Variants in PTPN12 observed in about 807,000 individuals in gnomAD.
The protein encoded by PTPN12 is tyrosine-protein phosphatase non-receptor type 12.
PTPN12 carries 29 observed loss-of-function variants against 97.6 expected under a neutral mutation model. The ratio of observed to expected loss-of-function variants is 0.30; its 90% CI spans 0.22 to 0.41. The LOEUF is 0.41. Among genes scored for constraint, PTPN12 ranks in the 10% least tolerant of loss-of-function variants. PTPN12 has a pLI of 1.00. For missense variants in PTPN12, 819 were observed against 926.0 expected (o/e 0.88, Z 1.50); for synonymous variants, 327 against 300.4 (o/e 1.09, Z -0.91).
At position 77,574,926 on chromosome 7, in the gene PTPN12, G is replaced by A. The variant is rs551215417; in HGVS notation, c.208+3740G>A. ...GGCTCACTGCAACCTCTATCTCCCG[G>A]GTTTAAGCAATTCTCGTGCCTCAGC... is the stretch of plus-strand genomic sequence containing the variant. On this transcript the variant is annotated intron_variant, in intron 2 of 17. Coordinates refer to ENST00000248594, the MANE Select transcript of PTPN12 (RefSeq NM_002835.4). Among the ~76,000 whole-genome samples, 142 of 151,850 alleles carry A rather than the reference G, an allele frequency of 9.4e-4. 2 individuals are homozygous for A. The South Asian group carries it at 0.028, about 30-fold the overall frequency.
At position 77,597,848 on chromosome 7, in the gene PTPN12, G is replaced by C; in HGVS notation, c.499G>C (p.Glu167Gln). ...AATGTTTCTCTTTATTTAGGAGGAT[G>C]AACAAGCAAGAACAGACTACTTCAT... The part of the protein sequence containing the change: ...FAPFKISCED[E>Q]QARTDYFIRT... Residue 167 changes from glutamate (E) to glutamine (Q), a missense_variant, in exon 7 of 18, where the codon GAA (glutamate) becomes CAA (glutamine). Glu to Gln is a conservative substitution (Grantham distance 29). Coordinates refer to ENST00000248594, the MANE Select transcript of PTPN12 (RefSeq NM_002835.4). The C allele has an allele frequency of 1.2e-6, 2 of 1,609,806 alleles. No homozygotes were observed. Among genetic ancestry groups the C allele is most frequent in the South Asian group, 1.1e-5 (1 of 89,808 alleles).
At chr7:77,579,119 A>AATT (rs985346655) in intron 2 of PTPN12, among the ~76,000 whole-genome samples, 1 of 151,982 alleles carries the variant, frequency 6.6e-6, no homozygotes, top group Non-Finnish European at 1.5e-5. Context: ...GAGAAATAAA[A>AATT]ATTATTATTA....
rs960838088 is a variant in PTPN12, at chr7:77,558,126, G to T, written c.100-12952G>T. The stretch of plus-strand genomic sequence containing the variant: ...TTCGGGAGGCTGAGGCAGGAGAATC[G>T]CTTGAACCCATGAGGTGGAGGTTGC... On this transcript the variant is annotated intron_variant, in intron 1 of 17. Transcript: ENST00000248594. 2.7e-5 allele frequency among the ~76,000 whole-genome samples: 4 copies of T among 149,176 alleles called. No homozygotes were observed. In the South Asian group the frequency reaches 8.4e-4, roughly 31 times the overall value.
chr7:77,626,698 T>A lies in PTPN12; in HGVS notation c.1026-7T>A. Reference sequence around the variant, plus strand: ...TAAAATGCCCTTTTTAAATGTTTGTTTTTCAGTTGCCTTGTTGAAGGGGAT... The same window carrying A: ...TAAAATGCCCTTTTTAAATGTTTGTATTTCAGTTGCCTTGTTGAAGGGGAT... On this transcript the variant is annotated splice_region_variant and splice_polypyrimidine_tract_variant and intron_variant, in intron 12 of 17. Coordinates refer to ENST00000248594, the MANE Select transcript of PTPN12 (RefSeq NM_002835.4). 6.3e-7 allele frequency: 1 copy of A among 1,581,560 alleles called. No individual in the cohort carries two copies. The highest frequency in any genetic ancestry group is 1.2e-5 in the South Asian group (1 of 86,772).
At chr7:77,562,217 C>G (rs145666663) in intron 1 of PTPN12, among the ~76,000 whole-genome samples, 2,788 of 152,224 alleles carry the variant, frequency 0.018, 34 homozygotes, top group Middle Eastern at 0.071. Context: ...CCACGCCCAG[C>G]TAATTTTTGT....
At chr7:77,626,435 TA>T (rs889181648) in intron 12 of PTPN12, among the ~76,000 whole-genome samples, 15 of 152,144 alleles carry the variant, frequency 9.9e-5, no homozygotes, top group African/African-American at 3.1e-4. Context: ...GAAGCAGCTA[TA>T]AAAAAATGTT....
intron 11 of PTPN12, among the ~76,000 whole-genome samples, chr7:77,615,274 AAATAT>A (rs1325183739): frequency 6.6e-6 from 1 of 152,028 alleles, no homozygotes; most frequent in African/African-American, 2.4e-5. Flanking sequence ...TTTTTTCCTA[AAATAT>A]AATTTTTTTA....
rs1413611750 is a variant in PTPN12 at position 77,639,970 on chromosome 7, T to C, written c.*690T>C. 4.6e-5 allele frequency: 7 copies of C among 152,600 alleles called. No homozygotes were observed. The highest frequency in any genetic ancestry group is 1.0e-4 in the Non-Finnish European group (7 of 68,030). The allele number at this position is 152,600 out of a possible 1,614,324, so 9.5% of individuals were successfully genotyped here. ...AATTCTCTTAGCTTGTGTGTGTTTC[T>C]TTAATATTTGAACTCAAGTGGGATT... On this transcript the variant is annotated 3_prime_UTR_variant, in exon 18 of 18. Coordinates refer to ENST00000248594, the MANE Select transcript of PTPN12 (RefSeq NM_002835.4).
At chr7:77,619,533 A>G (rs1462375032) in intron 12 of PTPN12, among the ~76,000 whole-genome samples, 1 of 152,206 alleles carries the variant, frequency 6.6e-6, no homozygotes, top group Non-Finnish European at 1.5e-5. Flanking sequence ...CTGCCTGGGA[A>G]GGAAGCTGCT....
chr7:77,557,629 T>C (rs1807782468), intron 1 of PTPN12, among the ~76,000 whole-genome samples: 1 of 152,202 alleles, frequency 6.6e-6, no homozygotes, highest in South Asian at 2.1e-4. Context: ...ACTGTGCAAT[T>C]AGGACTCTTA....
intron 5 of PTPN12, among the ~76,000 whole-genome samples, chr7:77,591,153 C>T (rs1186347368): frequency 6.6e-6 from 1 of 152,202 alleles, no homozygotes; most frequent in East Asian, 1.9e-4. Flanking sequence ...ACATACCAGA[C>T]AGTTCTACTT....
chr7:77,574,924 C>T (rs553784103), intron 2 of PTPN12, among the ~76,000 whole-genome samples: 55 of 151,734 alleles, frequency 3.6e-4, no homozygotes, highest in African/African-American at 1.3e-3. Flanking sequence ...CTCTATCTCC[C>T]GGGTTTAAGC....
Position 77,543,945 on chromosome 7 carries a change from T to G in PTPN12, c.99+6300T>G, listed in dbSNP as rs550475608. ...TGGGTATTTGAATTGTTTCCACTTT[T>G]TGGCTAATGTGAATAATGCAGCTAT... On this transcript the variant is annotated intron_variant, in intron 1 of 17. Coordinates refer to ENST00000248594, the MANE Select transcript of PTPN12 (RefSeq NM_002835.4). Among the ~76,000 whole-genome samples, 18 of 152,358 alleles carry G rather than the reference T, an allele frequency of 1.2e-4. No individual in the cohort carries two copies. In the South Asian group the frequency reaches 2.7e-3, roughly 23 times the overall value.
chr7:77,613,825 G>A (rs921971495), intron 11 of PTPN12, among the ~76,000 whole-genome samples: 9 of 151,736 alleles, frequency 5.9e-5, no homozygotes, highest in Admixed American at 4.6e-4. Flanking sequence ...CAATCCATCC[G>A]CCTCAGCCTC....
chr7:77,537,433 G>C lies in PTPN12; in HGVS notation c.-114G>C. The C allele has an allele frequency of 7.2e-7, 1 of 1,385,848 alleles. No homozygotes were observed. The highest frequency in any genetic ancestry group is 1.5e-5 in the African/African-American group (1 of 64,810). 85.8% of individuals were successfully genotyped at this position (1,385,848 alleles called of 1,614,324 possible). On this transcript the variant is annotated 5_prime_UTR_variant, in exon 1 of 18. Coordinates refer to ENST00000248594, the MANE Select transcript of PTPN12 (RefSeq NM_002835.4). ...AGGAGGGAGCCGCGGGGCTTGGCGG[G>C]GTCGGGAGGGAGGGACGTGCTGGGG...
At chr7:77,634,511 C>T (rs1175568050) in intron 14 of PTPN12, among the ~76,000 whole-genome samples, 1 of 152,160 alleles carries the variant, frequency 6.6e-6, no homozygotes, top group Non-Finnish European at 1.5e-5. Context: ...ACGATCTCGG[C>T]TCACTGCAAG....
chr7:77,620,628 A>G (rs1050397205), intron 12 of PTPN12, among the ~76,000 whole-genome samples: 6 of 152,258 alleles, frequency 3.9e-5, no homozygotes, highest in South Asian at 2.1e-4. Flanking sequence ...CAGTATGGCT[A>G]CAGTAAACAC....
At chr7:77,592,101 C>A in intron 5 of PTPN12, 84 bp from the exon 6 acceptor site, 1 of 1,186,106 alleles carries the variant, frequency 8.4e-7, no homozygotes, top group Non-Finnish European at 1.2e-6. Flanking sequence ...TAGAAGTAAG[C>A]AGAACCTCAG....
chr7:77,619,329 T>C (rs1414107837), intron 12 of PTPN12, among the ~76,000 whole-genome samples: 1 of 152,170 alleles, frequency 6.6e-6, no homozygotes. Flanking sequence ...CTTAAAACTT[T>C]GGGGAAAGTT....
Sources: gnomAD v4.1 joint callset for allele counts (sites outside exome capture counted in the v4.1 genomes callset) on GRCh38, gnomAD v4.1.1 for gene constraint, MANE v1.5 for transcripts, NCBI Gene and HGNC (gene_info 2026-07-23, HGNC 2026-07-21) for gene names.